The following SLC39A8 variants were observed in gnomAD, a reference collection of about 807,000 sequenced individuals.
SLC39A8 encodes the protein metal cation symporter ZIP8.
In SLC39A8, 15 loss-of-function variants were observed where a neutral mutation model predicts 40.4. The observed-to-expected ratio is 0.37, with a 90% CI of 0.25 to 0.57. The LOEUF (loss-of-function observed/expected upper bound fraction) is 0.57. Ranked by LOEUF, SLC39A8 falls within the 20% of genes least tolerant of loss-of-function variation. The probability of loss-of-function intolerance (pLI) is 0.75; values close to 1 mark genes in which losing one functional copy is unlikely to be tolerated. For synonymous variants in SLC39A8, 223 were observed against 221.6 expected, an observed-to-expected ratio of 1.01 and a Z score of -0.06; for missense variants, 472 against 558.8, an observed-to-expected ratio of 0.84 and a Z score of 1.57.
At chr4:102,319,708 A>T (rs1323692974) in intron 2 of SLC39A8, among the ~76,000 whole-genome samples, 1 of 151,934 alleles carries the variant, frequency 6.6e-6, no homozygotes, top group South Asian at 2.1e-4. Context: ...TTCCATACTG[A>T]GGTCTCTTTT....
intron 2 of SLC39A8, among the ~76,000 whole-genome samples, chr4:102,338,435 CT>C (rs1446921109): frequency 1.3e-5 from 2 of 152,160 alleles, no homozygotes; most frequent in African/African-American, 4.8e-5. Context: ...ATCTGCCCCC[CT>C]CAGCCTCCCA....
chr4:102,303,760 A>G (rs1439124128), intron 6 of SLC39A8, among the ~76,000 whole-genome samples: 1 of 151,786 alleles, frequency 6.6e-6, no homozygotes, highest in Non-Finnish European at 1.5e-5. Flanking sequence ...AATAATCCCT[A>G]CACTGAGTAG....
At position 102,283,930 on chromosome 4, in the gene SLC39A8, G is replaced by A. The variant is rs560352177; in HGVS notation, c.841-15851C>T. On this transcript the variant is annotated intron_variant, in intron 6 of 8. Transcript: ENST00000356736. Reference sequence around the variant, plus strand: ...AGATTTCTCACTGGCTGTTTCCTCAGCCATAATATTATTCTCTCGGATATT... The same window carrying A: ...AGATTTCTCACTGGCTGTTTCCTCAACCATAATATTATTCTCTCGGATATT... Among the ~76,000 whole-genome samples, 231 of 152,152 alleles carry A rather than the reference G, an allele frequency of 1.5e-3. 1 individual carries two copies. Among genetic ancestry groups the A allele is most frequent in the African/African-American group, 5.4e-3 (224 of 41,512 alleles).
intron 7 of SLC39A8, 96 bp downstream of exon 7, chr4:102,267,776 C>A: frequency 2.0e-6 from 3 of 1,537,392 alleles, no homozygotes; most frequent in African/African-American, 2.8e-5. Flanking sequence ...CATTTTAGTG[C>A]ATCAGAAGGA....
chr4:102,320,195 A>AC, intron 2 of SLC39A8, among the ~76,000 whole-genome samples: 2 of 137,226 alleles, frequency 1.5e-5, no homozygotes, highest in African/African-American at 2.7e-5. Context: ...ATATATGTAT[A>AC]TATATATGTA....
chr4:102,263,043 A>T lies in SLC39A8; in HGVS notation c.*1T>A, dbSNP rs774150216. ...TTAACAACACCATCTTCCATTTTCT[A>T]TTACTCCAATTCGATTTCTCCTGCA... is the stretch of plus-strand genomic sequence containing the variant. On this transcript the variant is annotated 3_prime_UTR_variant, in exon 9 of 9. Transcript: ENST00000356736. 6.2e-7 allele frequency: 1 copy of T among 1,603,456 alleles called. No individual in the cohort carries two copies. The highest frequency in any genetic ancestry group is 2.2e-5 in the East Asian group (1 of 44,500).
chr4:102,324,288 G>C (rs539065465), intron 2 of SLC39A8: 21 of 317,036 alleles, frequency 6.6e-5, no homozygotes, highest in Non-Finnish European at 1.1e-4. Flanking sequence ...CCAGCTACTC[G>C]GAAGGCTGAG....
intron 8 of SLC39A8, 44 bp from the exon 9 acceptor site, chr4:102,263,237 G>T (rs1216350866): frequency 6.4e-7 from 1 of 1,572,516 alleles, no homozygotes; most frequent in South Asian, 1.1e-5. Context: ...CCATCTTGTG[G>T]CAAACCACAA....
chr4:102,329,969 C>T (rs1735379942), intron 2 of SLC39A8, among the ~76,000 whole-genome samples: 1 of 152,150 alleles, frequency 6.6e-6, no homozygotes, highest in Admixed American at 6.5e-5. Context: ...TAAGTAATTT[C>T]TTTAAGAACA....
At chr4:102,271,101 T>G (rs1047563882) in intron 6 of SLC39A8, among the ~76,000 whole-genome samples, 2 of 149,218 alleles carry the variant, frequency 1.3e-5, no homozygotes, top group African/African-American at 2.5e-5. Flanking sequence ...AGAAGGATGA[T>G]TAGGAGGAGG....
intron 3 of SLC39A8, among the ~76,000 whole-genome samples, chr4:102,314,734 C>T (rs1578605761): frequency 6.6e-6 from 1 of 152,238 alleles, no homozygotes; most frequent in East Asian, 1.9e-4. Flanking sequence ...TCTAAGATGA[C>T]ACTCACCCAC....
At chr4:102,269,259 T>C (rs1249457077) in intron 6 of SLC39A8, among the ~76,000 whole-genome samples, 2 of 152,198 alleles carry the variant, frequency 1.3e-5, no homozygotes, top group Non-Finnish European at 2.9e-5. Context: ...ACTTCACCAC[T>C]CCAAACACTT....
rs112673097 is a variant in SLC39A8 at position 102,281,770 on chromosome 4, G to A, written c.841-13691C>T. Among the ~76,000 whole-genome samples, 1,094 of 152,212 alleles carry A rather than the reference G, an allele frequency of 7.2e-3. 4 individuals are homozygous for A. Among genetic ancestry groups the A allele is most frequent in the Non-Finnish European group, 0.011 (730 of 67,994 alleles). On this transcript the variant is annotated intron_variant, in intron 6 of 8. Coordinates refer to ENST00000356736, the MANE Select transcript of SLC39A8 (RefSeq NM_001135146.2). Reference sequence around the variant, plus strand: ...GCTGTCTCTACTCTGTACATGGAGCGTGAGAAGTAGGAGCCACACAAGATA... The same window carrying A: ...GCTGTCTCTACTCTGTACATGGAGCATGAGAAGTAGGAGCCACACAAGATA...
chr4:102,302,185 CTTG>C (rs1371505949), intron 6 of SLC39A8, among the ~76,000 whole-genome samples: 2 of 152,030 alleles, frequency 1.3e-5, no homozygotes, highest in Non-Finnish European at 2.9e-5. Context: ...CTAAAGTTAT[CTTG>C]TTAACGCTGG....
chr4:102,254,009 C>A (rs184368337), intron 11 of SLC39A8, among the ~76,000 whole-genome samples: 1 of 152,248 alleles, frequency 6.6e-6, no homozygotes, highest in Non-Finnish European at 1.5e-5. Context: ...CAAAAGAGTT[C>A]CAGCTCAAGT....
At chr4:102,304,270 G>A in intron 6 of SLC39A8, 47 bp downstream of exon 6, 1 of 1,468,802 alleles carries the variant, frequency 6.8e-7, no homozygotes, top group Non-Finnish European at 9.5e-7. Flanking sequence ...TGTTTACACA[G>A]TATAAAGAAT....
chr4:102,268,074 T>C lies in SLC39A8; in HGVS notation c.846A>G (p.Gly282=), dbSNP rs779836997. The C allele has an allele frequency of 3.3e-5, 53 of 1,614,038 alleles. No individual in the cohort carries two copies. The highest frequency in any genetic ancestry group is 1.6e-4 in the Middle Eastern group (1 of 6,084). ...AGGTACATGAACTTGGCTCTTTTTT[T>C]CCATCCTAGCAGAAAATCAATTAAA... is the stretch of plus-strand genomic sequence containing the variant. The part of the protein sequence containing the change: ...DNVSVVSLQD[G]KKEPSSCTCL... Residue 282 remains glycine (G), a synonymous_variant, in exon 7 of 9, where the codon GGA becomes GGG. Transcript: ENST00000356736.
intron 6 of SLC39A8, among the ~76,000 whole-genome samples, chr4:102,302,086 T>C (rs1327623315): frequency 6.6e-6 from 1 of 151,994 alleles, no homozygotes; most frequent in Non-Finnish European, 1.5e-5. Flanking sequence ...TTCCGTGCTT[T>C]GTGTTACAGG....
At chr4:102,271,216 G>A (rs1732351107) in intron 6 of SLC39A8, among the ~76,000 whole-genome samples, 2 of 152,068 alleles carry the variant, frequency 1.3e-5, no homozygotes, top group Admixed American at 6.6e-5. Flanking sequence ...CTAAAAGGAG[G>A]AGAAAGATAA....
Sources: gnomAD v4.1 joint callset for allele counts (sites outside exome capture counted in the v4.1 genomes callset) on GRCh38, gnomAD v4.1.1 for gene constraint, MANE v1.5 for transcripts, NCBI Gene and HGNC (gene_info 2026-07-23, HGNC 2026-07-21) for gene names.